Variants in ZDHHC15 observed in about 807,000 individuals in gnomAD.
ZDHHC15 encodes palmitoyltransferase ZDHHC15.
In ZDHHC15, 19 loss-of-function variants were observed where a neutral mutation model predicts 31.7. The ratio of observed to expected loss-of-function variants is 0.60; its 90% CI spans 0.42 to 0.88. The LOEUF is 0.88. ZDHHC15 is among the 40% of genes least tolerant of loss of function. The pLI is 0.00. For synonymous variants in ZDHHC15, 103 were observed against 90.0 expected (o/e 1.14, Z -0.82); for missense variants, 209 against 251.2 (o/e 0.83, Z 1.14).
At chrX:75,491,018 A>G (rs1236080343) in intron 2 of ZDHHC15, among the ~76,000 whole-genome samples, 1 of 111,577 alleles carries the variant, frequency 9.0e-6, no homozygotes, top group African/African-American at 3.3e-5. Flanking sequence ...ACACTTTTAC[A>G]CTGTTGGTGG....
intron 2 of ZDHHC15, among the ~76,000 whole-genome samples, chrX:75,494,677 T>C (rs1054555540): frequency 8.9e-6 from 1 of 112,186 alleles, no homozygotes; most frequent in African/African-American, 3.2e-5. Flanking sequence ...AAACAGGAAA[T>C]TGGAAAAAGA....
intron 2 of ZDHHC15, among the ~76,000 whole-genome samples, chrX:75,495,824 T>A (rs2084986978): frequency 9.4e-6 from 1 of 106,592 alleles, no homozygotes; most frequent in African/African-American, 3.4e-5. Context: ...GAGGCATTCC[T>A]AATGTTAGAT....
chrX:75,474,094 G>T (rs990860594), intron 3 of ZDHHC15, among the ~76,000 whole-genome samples: 1 of 111,077 alleles, frequency 9.0e-6, no homozygotes, highest in Admixed American at 9.7e-5. Flanking sequence ...ATTGAAGGAT[G>T]CAAAGGACTG....
At chrX:75,435,081 G>A (rs2083832033) in intron 4 of ZDHHC15, among the ~76,000 whole-genome samples, 2 of 111,090 alleles carry the variant, frequency 1.8e-5, no homozygotes, top group Non-Finnish European at 3.8e-5. Flanking sequence ...TCTAAGTTTT[G>A]TTTGTTTGTT....
chrX:75,433,981 T>C (rs771646833), intron 4 of ZDHHC15, among the ~76,000 whole-genome samples: 87 of 111,251 alleles, frequency 7.8e-4, no homozygotes, highest in Non-Finnish European at 1.4e-3. Flanking sequence ...CGTTCCCTTT[T>C]CACCACATCA....
intron 4 of ZDHHC15, among the ~76,000 whole-genome samples, chrX:75,443,737 C>A (rs2083983124): frequency 8.9e-6 from 1 of 111,986 alleles, no homozygotes; most frequent in South Asian, 3.7e-4. Flanking sequence ...GGGCTAATAT[C>A]CAGAATCTAC....
intron 10 of ZDHHC15, among the ~76,000 whole-genome samples, chrX:75,412,374 G>A (rs112422422): frequency 2.7e-3 from 300 of 111,406 alleles, no homozygotes; most frequent in Non-Finnish European, 3.2e-3. Flanking sequence ...AACAACTGAC[G>A]TGTCTGTGGA....
At chrX:75,393,399 C>A (rs930846951) in intron 10 of ZDHHC15, among the ~76,000 whole-genome samples, 11 of 111,150 alleles carry the variant, frequency 9.9e-5, no homozygotes, top group African/African-American at 3.6e-4. Context: ...TTTTCCTTCA[C>A]CAGTTTTTCC....
At chrX:75,466,557 AAAAT>A (rs769261193) in intron 3 of ZDHHC15, among the ~76,000 whole-genome samples, 9 of 111,602 alleles carry the variant, frequency 8.1e-5, no homozygotes, top group South Asian at 3.7e-4. Flanking sequence ...CTTTTCTTTA[AAAAT>A]AAATAAATAA....
intron 2 of ZDHHC15, among the ~76,000 whole-genome samples, chrX:75,503,376 C>T (rs946695107): frequency 1.4e-4 from 15 of 110,919 alleles, no homozygotes; most frequent in Admixed American, 3.9e-4. Context: ...AATTATAATC[C>T]TGAAATATGT....
At chrX:75,391,752 C>A (rs1420939758) in intron 10 of ZDHHC15, among the ~76,000 whole-genome samples, 1 of 111,592 alleles carries the variant, frequency 9.0e-6, no homozygotes, top group Non-Finnish European at 1.9e-5. Flanking sequence ...TGTTAATGAG[C>A]AAAAAATACA....
chrX:75,511,712 G>C (rs1232582498), intron 1 of ZDHHC15, among the ~76,000 whole-genome samples: 1 of 101,608 alleles, frequency 9.8e-6, no homozygotes, highest in African/African-American at 3.6e-5. Context: ...AGAGGTACAA[G>C]GAGGAACTGG....
At chrX:75,427,702 C>T (rs1285947255) in intron 7 of ZDHHC15, among the ~76,000 whole-genome samples, 4 of 110,993 alleles carry the variant, frequency 3.6e-5, no homozygotes. Context: ...TAATCCTGTG[C>T]TGTGGAAAGG....
intron 2 of ZDHHC15, among the ~76,000 whole-genome samples, chrX:75,503,994 G>A (rs1045164172): frequency 9.0e-6 from 1 of 111,171 alleles, no homozygotes; most frequent in Admixed American, 9.7e-5. Context: ...CTCTCTGTAT[G>A]TGTCTGTGTA....
intron 2 of ZDHHC15, among the ~76,000 whole-genome samples, chrX:75,499,238 C>G (rs2085054663): frequency 9.0e-6 from 1 of 111,257 alleles, no homozygotes; most frequent in South Asian, 3.7e-4. Flanking sequence ...AGCTCATGAC[C>G]CAGACCCAAA....
intron 3 of ZDHHC15, among the ~76,000 whole-genome samples, chrX:75,463,124 T>A (rs781589924): frequency 4.9e-4 from 55 of 111,365 alleles, no homozygotes; most frequent in African/African-American, 1.6e-3. Context: ...CATCAGAGAA[T>A]ACTATAAAAC....
chrX:75,387,084 A>T (rs978441418), intron 10 of ZDHHC15, among the ~76,000 whole-genome samples: 1 of 111,961 alleles, frequency 8.9e-6, no homozygotes, highest in Non-Finnish European at 1.9e-5. Context: ...GATCCTAGGA[A>T]AAACAGAGCT....
At position 75,424,646 on chromosome X, in the gene ZDHHC15, T is replaced by G; in HGVS notation, c.736+6A>C. ...GTTTTTTCCTAATCTTAATATTCAG[T>G]CTTACCTAAGGTGGTTTTGTTTCTG... On this transcript the variant is annotated splice_donor_region_variant and intron_variant, in intron 8 of 11. Coordinates refer to ENST00000373367, the MANE Select transcript of ZDHHC15 (RefSeq NM_144969.3). The G allele has an allele frequency of 8.4e-7, 1 of 1,196,333 alleles. No individual in the cohort carries two copies. The highest frequency in any genetic ancestry group is 1.1e-6 in the Non-Finnish European group (1 of 890,067).
intron 3 of ZDHHC15, among the ~76,000 whole-genome samples, chrX:75,453,657 G>A (rs1023501129): frequency 9.0e-6 from 1 of 110,949 alleles, no homozygotes. Flanking sequence ...CTGACAAACC[G>A]AATCCAGCAG....
Sources: gnomAD v4.1 joint callset for allele counts (sites outside exome capture counted in the v4.1 genomes callset) on GRCh38, gnomAD v4.1.1 for gene constraint, MANE v1.5 for transcripts, NCBI Gene and HGNC (gene_info 2026-07-23, HGNC 2026-07-21) for gene names.